Variants in LRP2 observed in about 807,000 individuals in gnomAD.
LRP2 encodes the protein low-density lipoprotein receptor-related protein 2.
Under a neutral mutation model 531.0 loss-of-function variants are expected in LRP2, and 172 were observed. The observed-to-expected ratio is 0.32, with a 90% CI of 0.29 to 0.37. LRP2 has a LOEUF of 0.37. LRP2 is among the 10% of genes least tolerant of loss of function. The pLI is 1.00. For synonymous variants in LRP2, 1,992 were observed against 2,027.6 expected (o/e 0.98, Z 0.47); for missense variants, 5,167 against 5,868.3 (o/e 0.88, Z 3.90).
Position 169,175,643 on chromosome 2 carries a change from C to CA in LRP2, c.10572-255dup, listed in dbSNP as rs34526338. Among the ~76,000 whole-genome samples, 29,350 of 149,500 alleles carry CA rather than the reference C, an allele frequency of 0.2. 3,004 individuals carry two copies. The highest frequency in any genetic ancestry group is 0.37 in the East Asian group (1,867 of 5,090). On this transcript the variant is annotated intron_variant, in intron 54 of 78. Transcript: ENST00000649046. ...TAATATGATGAATAAATTTCCTCCA[C>CA]AAAAAAAAAACAATAAACAAATAAA...
At chr2:169,173,352 A>G (rs2105280749) in intron 56 of LRP2, 128 bp from the exon 57 acceptor site, 2 of 1,118,878 alleles carry the variant, frequency 1.8e-6, no homozygotes, top group East Asian at 2.5e-5. Context: ...CTCTGGCGAT[A>G]TGTGTCTGTT....
At chr2:169,242,872 A>G in intron 24 of LRP2, 84 bp downstream of exon 24, 1 of 1,005,832 alleles carries the variant, frequency 9.9e-7, no homozygotes, top group South Asian at 1.3e-5. Flanking sequence ...TGAGTTAGGG[A>G]AAATGTGTGG....
At chr2:169,175,424 G>A (rs932462466) in intron 54 of LRP2, 35 bp from the exon 55 acceptor site, 1 of 1,587,452 alleles carries the variant, frequency 6.3e-7, no homozygotes, top group Non-Finnish European at 8.6e-7. Flanking sequence ...CTTTAGCAAA[G>A]CACCAGGGGC....
In LRP2 at chr2:169,201,953, A is replaced by G. The variant is rs1688217685; in HGVS notation, c.8210-83T>C. 3 of 1,554,968 alleles carry G rather than the reference A, an allele frequency of 1.9e-6. No individual in the cohort carries two copies. In the East Asian group the frequency reaches 7.2e-5, roughly 37 times the overall value. On this transcript the variant is annotated intron_variant, in intron 43 of 78. Transcript: ENST00000649046. Reference sequence around the variant, plus strand: ...TTAAAAAGATACAATTAAATAAAAGAGACACTTTGAATTTACCTTCCAAGG... The same window carrying G: ...TTAAAAAGATACAATTAAATAAAAGGGACACTTTGAATTTACCTTCCAAGG...
At chr2:169,162,133 C>G (rs942779707) in intron 63 of LRP2, among the ~76,000 whole-genome samples, 1 of 152,180 alleles carries the variant, frequency 6.6e-6, no homozygotes, top group Admixed American at 6.6e-5. Flanking sequence ...AGGACTTGCT[C>G]TGCAGTGAAA....
Position 169,137,381 on chromosome 2 carries a change from T to G in LRP2, c.13620+11A>C, listed in dbSNP as rs1177188414. The G allele has an allele frequency of 6.3e-7, 1 of 1,580,044 alleles. No homozygotes were observed. The highest frequency in any genetic ancestry group is 1.1e-5 in the South Asian group (1 of 90,328). Reference sequence around the variant, plus strand: ...GCAGTAACTGAAAGAAAAGACTGTATGGTTTCTCACCTGGATTGGCTGAAC... The same window carrying G: ...GCAGTAACTGAAAGAAAAGACTGTAGGGTTTCTCACCTGGATTGGCTGAAC... On this transcript the variant is annotated intron_variant, in intron 76 of 78. Transcript: ENST00000649046.
intron 1 of LRP2, among the ~76,000 whole-genome samples, chr2:169,341,138 T>C (rs1002751383): frequency 3.9e-5 from 6 of 152,116 alleles, no homozygotes; most frequent in Non-Finnish European, 2.9e-5. Context: ...GCATTTAAGC[T>C]ACAGATAGAT....
At chr2:169,251,046 C>T (rs1690163362) in intron 19 of LRP2, among the ~76,000 whole-genome samples, 1 of 21,724 alleles carries the variant, frequency 4.6e-5, no homozygotes, top group Non-Finnish European at 7.1e-5. Flanking sequence ...TAATGGGAGA[C>T]TTTAACACCC....
chr2:169,302,592 A>T (rs906757479), intron 4 of LRP2, among the ~76,000 whole-genome samples: 1 of 152,168 alleles, frequency 6.6e-6, no homozygotes, highest in Non-Finnish European at 1.5e-5. Context: ...GTCCGGTCCC[A>T]AATGTCATTA....
intron 18 of LRP2, among the ~76,000 whole-genome samples, chr2:169,256,861 A>T (rs577240896): frequency 1.8e-4 from 28 of 152,120 alleles, no homozygotes; most frequent in African/African-American, 5.8e-4. Flanking sequence ...GTTTCCACTA[A>T]ATCTTGTCAT....
chr2:169,319,948 G>GC (rs1031526927), intron 2 of LRP2, among the ~76,000 whole-genome samples: 5 of 152,124 alleles, frequency 3.3e-5, no homozygotes, highest in African/African-American at 1.2e-4. Flanking sequence ...CCATAACATG[G>GC]CCAACAATTC....
chr2:169,171,910 A>G (rs1485810930), intron 58 of LRP2, 105 bp downstream of exon 58: 2 of 1,388,944 alleles, frequency 1.4e-6, no homozygotes, highest in African/African-American at 1.4e-5. Context: ...GCTTGATATC[A>G]TCCTACCCAT....
chr2:169,236,355 T>A lies in LRP2; in HGVS notation c.4692-287A>T, dbSNP rs78008770. On this transcript the variant is annotated intron_variant, in intron 28 of 78. Coordinates refer to ENST00000649046, the MANE Select transcript of LRP2 (RefSeq NM_004525.3). Reference sequence around the variant, plus strand: ...TGAAATGTCTCAATGCCAATTCATGTTTGTTTATAATCCACAAATAGTTGA... The same window carrying A: ...TGAAATGTCTCAATGCCAATTCATGATTGTTTATAATCCACAAATAGTTGA... Among the ~76,000 whole-genome samples, 6,315 of 152,254 alleles carry A rather than the reference T, an allele frequency of 0.041. 349 individuals are homozygous for A. The highest frequency in any genetic ancestry group is 0.13 in the African/African-American group (5,390 of 41,514).
Position 169,256,123 on chromosome 2 carries a change from C to A in LRP2, c.2753G>T (p.Gly918Val). 1 of 1,612,884 alleles carries A rather than the reference C, an allele frequency of 6.2e-7. No individual in the cohort carries two copies. The highest frequency in any genetic ancestry group is 8.5e-7 in the Non-Finnish European group (1 of 1,179,178). The change falls in exon 19 of 79, where the codon GGA becomes GTA. Residue 918 changes from glycine (G) to valine (V), a missense_variant. Around this residue, in one of 6 missense-constraint regions of LRP2, gnomAD observed 2,811 missense variants for 3,058.0 expected, o/e 0.92. Coordinates refer to ENST00000649046, the MANE Select transcript of LRP2 (RefSeq NM_004525.3). ...GHIEQMTHPF[G>V]LAIFGEHLFF... ...AAACATACCTCCAAAGATGGCAAGT[C>A]CAAACGGATGTGTCATCTGCTCTAT...
intron 30 of LRP2, among the ~76,000 whole-genome samples, chr2:169,233,008 A>G (rs1167307962): frequency 6.6e-6 from 1 of 152,246 alleles, no homozygotes; most frequent in Non-Finnish European, 1.5e-5. Flanking sequence ...TGGCTACAGC[A>G]GAGCACCTAG....
At chr2:169,328,441 T>TAAAAAAAAAAAAAAAAAAAAAAAGAA (rs1685177633) in intron 1 of LRP2, among the ~76,000 whole-genome samples, 1 of 49,142 alleles carries the variant, frequency 2.0e-5, no homozygotes, top group Admixed American at 2.6e-4. Context: ...CGGGCCGGGA[T>TAAAAAAAAAAAAAAAAAAAAAAAGAA]AAAAAAAAAA....
chr2:169,233,938 A>C (rs1489939903), intron 29 of LRP2, among the ~76,000 whole-genome samples: 2 of 152,160 alleles, frequency 1.3e-5, no homozygotes, highest in Admixed American at 6.5e-5. Flanking sequence ...TAGAGAGCTT[A>C]GAGACTCCTC....
chr2:169,128,750 C>G lies in LRP2; in HGVS notation c.13881G>C (p.Ser4627=). Residue 4627 remains serine, a synonymous_variant, in exon 79 of 79, where the codon TCG becomes TCC. Coordinates refer to ENST00000649046, the MANE Select transcript of LRP2 (RefSeq NM_004525.3). ...AATAGGTTGGAGTTGGGTCTCTTCT[C>G]GAAGGAGGCTTAGGCTTAGCAGGGA... is the stretch of plus-strand genomic sequence containing the variant. ...PSLPAKPKPP[S]RRDPTPTYSA... is the part of the protein sequence containing the mutation. 6.2e-7 allele frequency: 1 copy of G among 1,614,058 alleles called. No homozygotes were observed. Among genetic ancestry groups the G allele is most frequent in the Non-Finnish European group, 8.5e-7 (1 of 1,179,988 alleles).
At chr2:169,312,651 A>C (rs532957517) in intron 3 of LRP2, among the ~76,000 whole-genome samples, 42 of 152,128 alleles carry the variant, frequency 2.8e-4, no homozygotes, top group African/African-American at 6.7e-4. Flanking sequence ...TCCTTCATTT[A>C]AACTTTGGTG....
Sources: gnomAD v4.1 joint callset for allele counts (sites outside exome capture counted in the v4.1 genomes callset) on GRCh38, gnomAD v4.1.1 for gene constraint, gnomAD v4.1.1 regional missense constraint, MANE v1.5 for transcripts, NCBI Gene and HGNC (gene_info 2026-07-23, HGNC 2026-07-21) for gene names.